SLMAP: variants seen among roughly 807,000 people sequenced by gnomAD.
SLMAP encodes sarcolemmal membrane-associated protein.
A neutral mutation model predicts 128.8 loss-of-function variants in SLMAP; 44 were observed. The ratio of observed to expected loss-of-function variants is 0.34; its 90% CI spans 0.27 to 0.44. SLMAP has a LOEUF of 0.44. SLMAP is among the 20% of genes least tolerant of loss of function. SLMAP has a pLI of 1.00. For missense variants in SLMAP, 787 were observed against 985.3 expected (o/e 0.80, Z 2.69); for synonymous variants, 327 against 348.8 (o/e 0.94, Z 0.70).
At chr3:57,906,982 A>AG (rs1019550603) in intron 17 of SLMAP, among the ~76,000 whole-genome samples, 116 of 151,686 alleles carry the variant, frequency 7.6e-4, no homozygotes, top group African/African-American at 2.7e-3. Context: ...AAAACCACTT[A>AG]GGTTACATCA....
At chr3:57,860,378 T>A (rs1296933494) in intron 8 of SLMAP, among the ~76,000 whole-genome samples, 1 of 152,162 alleles carries the variant, frequency 6.6e-6, no homozygotes, top group Non-Finnish European at 1.5e-5. Flanking sequence ...AATTGATTAT[T>A]TTTGCCTACA....
At chr3:57,764,106 G>C (rs1191710674) in intron 2 of SLMAP, among the ~76,000 whole-genome samples, 1 of 152,164 alleles carries the variant, frequency 6.6e-6, no homozygotes, top group Non-Finnish European at 1.5e-5. Flanking sequence ...TGTGGTGCCA[G>C]GTTGTGAAGT....
At chr3:57,904,382 A>C (rs2153671418) in intron 17 of SLMAP, among the ~76,000 whole-genome samples, 1 of 152,162 alleles carries the variant, frequency 6.6e-6, no homozygotes, top group Admixed American at 6.5e-5. Flanking sequence ...AGACATTGTG[A>C]CACTGCGCTC....
intron 2 of SLMAP, among the ~76,000 whole-genome samples, chr3:57,759,057 G>A (rs892920467): frequency 3.9e-5 from 6 of 152,156 alleles, no homozygotes; most frequent in Admixed American, 3.3e-4. Context: ...ACTGATTTAA[G>A]GAATTATTTT....
chr3:57,795,723 A>G (rs2086579539), intron 2 of SLMAP, among the ~76,000 whole-genome samples: 1 of 152,136 alleles, frequency 6.6e-6, no homozygotes, highest in African/African-American at 2.4e-5. Flanking sequence ...TGTACATTTC[A>G]GTGGCATTAA....
chr3:57,838,170 A>G (rs1481896967), intron 3 of SLMAP, among the ~76,000 whole-genome samples: 1 of 152,236 alleles, frequency 6.6e-6, no homozygotes, highest in African/African-American at 2.4e-5. Flanking sequence ...TTTTAAAAAA[A>G]CAACTTTCTA....
intron 15 of SLMAP, among the ~76,000 whole-genome samples, chr3:57,892,765 C>G (rs2096116401): frequency 1.4e-5 from 2 of 147,752 alleles, no homozygotes; most frequent in African/African-American, 2.5e-5. Flanking sequence ...GGCAACGTAA[C>G]AAGACACTGT....
intron 2 of SLMAP, among the ~76,000 whole-genome samples, chr3:57,797,348 G>A (rs1179244831): frequency 6.6e-6 from 1 of 151,980 alleles, no homozygotes; most frequent in Admixed American, 6.6e-5. Flanking sequence ...GCCAGGCGTG[G>A]TGGTGGGTGC....
rs529330534 is a variant in SLMAP, at chr3:57,806,659, C to T, written c.199-24724C>T. On this transcript the variant is annotated intron_variant, in intron 2 of 24. Coordinates refer to ENST00000671191, the MANE Select transcript of SLMAP (RefSeq NM_001377540.1). ...TTCACCGTGTTGGCCAGGCTGTTCT[C>T]GCACTCCTGACCTCAAGTGATCCAC... is the stretch of plus-strand genomic sequence containing the variant. Among the ~76,000 whole-genome samples, 92 of 152,160 alleles carry T rather than the reference C, an allele frequency of 6.0e-4. 1 individual carries two copies. The highest frequency in any genetic ancestry group is 1.5e-3 in the African/African-American group (63 of 41,506).
At chr3:57,881,939 G>A (rs1575657773) in intron 14 of SLMAP, among the ~76,000 whole-genome samples, 1 of 152,194 alleles carries the variant, frequency 6.6e-6, no homozygotes, top group East Asian at 1.9e-4. Context: ...AGAGGCTGCA[G>A]TTCACAGTGA....
intron 2 of SLMAP, among the ~76,000 whole-genome samples, chr3:57,830,689 T>C (rs11712079): frequency 0.12 from 17,640 of 152,212 alleles, 1,114 homozygotes; most frequent in South Asian, 0.16. Flanking sequence ...TTTTAGAATA[T>C]TTTCATCATC....
At chr3:57,862,577 G>A (rs1172427058) in intron 10 of SLMAP, among the ~76,000 whole-genome samples, 1 of 146,652 alleles carries the variant, frequency 6.8e-6, no homozygotes, top group East Asian at 2.0e-4. Context: ...GGCAGAGGTT[G>A]CAGTGAGCCA....
intron 2 of SLMAP, among the ~76,000 whole-genome samples, chr3:57,803,049 G>A (rs1460567530): frequency 6.6e-6 from 1 of 152,186 alleles, no homozygotes; most frequent in Admixed American, 6.5e-5. Flanking sequence ...CAGTATGAGT[G>A]TAATAATGAA....
intron 2 of SLMAP, among the ~76,000 whole-genome samples, chr3:57,809,647 A>G (rs995082856): frequency 1.3e-5 from 2 of 152,208 alleles, no homozygotes; most frequent in African/African-American, 4.8e-5. Context: ...GGCCAGCCCT[A>G]CAGACAGAAG....
chr3:57,896,465 G>A (rs1575901383), intron 15 of SLMAP, 46 bp from the exon 16 acceptor site: 1 of 1,529,322 alleles, frequency 6.5e-7, no homozygotes, highest in Middle Eastern at 1.8e-4. Flanking sequence ...ATTGATATAA[G>A]ATATTTAACT....
chr3:57,914,613 G>A (rs554125460), intron 21 of SLMAP, among the ~76,000 whole-genome samples: 8 of 148,540 alleles, frequency 5.4e-5, no homozygotes, highest in Non-Finnish European at 1.0e-4. Context: ...ACGGAGTTTT[G>A]CTCTTGTGGC....
chr3:57,853,802 G>A (rs935512892), intron 6 of SLMAP, among the ~76,000 whole-genome samples: 2 of 150,282 alleles, frequency 1.3e-5, no homozygotes, highest in African/African-American at 2.5e-5. Flanking sequence ...CCAGCTGGGC[G>A]TGGTGGCGCA....
At chr3:57,838,761 G>A (rs1367532431) in intron 3 of SLMAP, among the ~76,000 whole-genome samples, 1 of 152,178 alleles carries the variant, frequency 6.6e-6, no homozygotes, top group African/African-American at 2.4e-5. Context: ...AGAAGGGACA[G>A]CCTGTGTAAA....
chr3:57,843,585 C>T (rs1227284425), intron 4 of SLMAP, among the ~76,000 whole-genome samples: 1 of 151,546 alleles, frequency 6.6e-6, no homozygotes, highest in Non-Finnish European at 1.5e-5. Context: ...GGATTATAGG[C>T]CTGAGCCACC....
Sources: allele counts gnomAD v4.1 joint callset (sites outside exome capture counted in the v4.1 genomes callset), GRCh38; gene constraint gnomAD v4.1.1; transcripts MANE v1.5; gene names NCBI Gene and HGNC (gene_info 2026-07-23, HGNC 2026-07-21).